DNAH3: variants seen among roughly 807,000 people sequenced by gnomAD.
The protein encoded by DNAH3 is dynein axonemal heavy chain 3, also known as axonemal beta dynein heavy chain 3.
In DNAH3, 332 loss-of-function variants were observed where a neutral mutation model predicts 432.5. That is an observed-to-expected ratio of 0.77 (90% CI 0.70 to 0.84). DNAH3 has a LOEUF of 0.84. DNAH3 is among the 40% of genes least tolerant of loss of function. The probability of loss-of-function intolerance (pLI) is 0.00; values close to 1 mark genes in which losing one functional copy is unlikely to be tolerated. For missense variants in DNAH3, 4,861 were observed against 5,114.0 expected (o/e 0.95, Z 1.51); for synonymous variants, 1,956 against 1,900.2 (o/e 1.03, Z -0.76).
intron 41 of DNAH3, among the ~76,000 whole-genome samples, chr16:21,012,876 C>T (rs2087673219): frequency 6.6e-6 from 1 of 152,138 alleles, no homozygotes; most frequent in Non-Finnish European, 1.5e-5. Context: ...ATCATCCCGC[C>T]TCAGCCTCCT....
chr16:21,035,078 G>A (rs922893220), intron 35 of DNAH3, among the ~76,000 whole-genome samples: 1 of 152,220 alleles, frequency 6.6e-6, no homozygotes, highest in African/African-American at 2.4e-5. Context: ...TGTAATCCCA[G>A]CACTTTGGGA....
At chr16:21,063,431 C>T (rs2090433777) in intron 24 of DNAH3, among the ~76,000 whole-genome samples, 1 of 151,514 alleles carries the variant, frequency 6.6e-6, no homozygotes. Flanking sequence ...AATAATGAGC[C>T]TATTTACATG....
chr16:20,984,012 G>GGCTGTCTGT (rs2086047358), intron 48 of DNAH3, among the ~76,000 whole-genome samples: 1 of 130,278 alleles, frequency 7.7e-6, no homozygotes, highest in Non-Finnish European at 1.5e-5. Flanking sequence ...GGGTGACAGA[G>GGCTGTCTGT]CAAGACCCTA....
At position 20,948,478 on chromosome 16, in the gene DNAH3, C is replaced by T. The variant is rs1316193882; in HGVS notation, c.11343+5G>A. 1.2e-6 allele frequency: 2 copies of T among 1,612,898 alleles called. No homozygotes were observed. The highest frequency in any genetic ancestry group is 1.7e-6 in the Non-Finnish European group (2 of 1,179,568). On this transcript the variant is annotated splice_donor_5th_base_variant and intron_variant, in intron 57 of 61. Coordinates refer to ENST00000261383, the Ensembl canonical transcript of DNAH3. ...AAGAGGTAGGCCTCCCTGCCCACCC[C>T]TTACCTGGTAGGAGCCATGAGGAGG...
chr16:21,052,857 T>C (rs866778403), intron 28 of DNAH3, among the ~76,000 whole-genome samples: 1 of 152,158 alleles, frequency 6.6e-6, no homozygotes, highest in African/African-American at 2.4e-5. Context: ...CGTGGCCTTA[T>C]ATAGCAGGGG....
chr16:21,027,667 CT>C (rs1189037674), intron 37 of DNAH3, among the ~76,000 whole-genome samples: 1 of 152,174 alleles, frequency 6.6e-6, no homozygotes, highest in Non-Finnish European at 1.5e-5. Context: ...TGGTAAAACC[CT>C]GTCTCTACTA....
rs778044720 is a variant in DNAH3 at position 20,963,410 on chromosome 16, T to C, written c.10474A>G (p.Ile3492Val). 6.2e-7 allele frequency: 1 copy of C among 1,614,096 alleles called. No homozygotes were observed. ...TACAGCTTTCCCATATGTTCAGCAA[T>C]GAACTCCCGGACCGCTGGCACCATT... Residue 3492 changes from isoleucine (I) to valine (V), a missense_variant, in exon 53 of 62, where the codon ATT (isoleucine) becomes GTT (valine). Transcript: ENST00000261383.
chr16:21,134,639 T>C (rs543469120), intron 6 of DNAH3, among the ~76,000 whole-genome samples, 185 bp from the exon 8 acceptor site: 1 of 152,304 alleles, frequency 6.6e-6, no homozygotes, highest in African/African-American at 2.4e-5. Context: ...ATTACAGGCA[T>C]GAGTTGCTAT....
At chr16:21,022,201 C>G in intron 39 of DNAH3, 101 bp from the exon 40 acceptor site, 1 of 1,268,922 alleles carries the variant, frequency 7.9e-7, no homozygotes, top group Non-Finnish European at 1.1e-6. Context: ...GCTGGTTAGA[C>G]TGCTGATTTA....
chr16:21,098,829 T>A, intron 16 of DNAH3, 60 bp from the exon 17 acceptor site: 1 of 1,544,806 alleles, frequency 6.5e-7, no homozygotes, highest in South Asian at 1.2e-5. Flanking sequence ...TTTCAAAACA[T>A]CAGCACTGCT....
At chr16:21,022,230 G>T in intron 39 of DNAH3, 130 bp from the exon 40 acceptor site, 1 of 946,102 alleles carries the variant, frequency 1.1e-6, no homozygotes, top group Non-Finnish European at 1.6e-6. Context: ...TGCATTGGGG[G>T]AAAACTTATA....
exon 53 of DNAH3, chr16:20,964,614 T>G: frequency 6.2e-7 from 1 of 1,614,182 alleles, no homozygotes. Flanking sequence ...TCTTAATCCA[T>G]TTATTGGCCT....
At chr16:21,110,252 T>G (rs1170780489) in intron 14 of DNAH3, among the ~76,000 whole-genome samples, 1 of 152,208 alleles carries the variant, frequency 6.6e-6, no homozygotes, top group Non-Finnish European at 1.5e-5. Context: ...TCATGTGGTT[T>G]AGGTGGTGTT....
intron 12 of DNAH3, among the ~76,000 whole-genome samples, chr16:21,114,302 A>G (rs1222834068): frequency 6.6e-6 from 1 of 152,220 alleles, no homozygotes; most frequent in Non-Finnish European, 1.5e-5. Context: ...CCTAAAATCT[A>G]TTAAATAAAA....
At chr16:21,127,931 A>T (rs1398290373) in intron 7 of DNAH3, 119 bp from the exon 9 acceptor site, 1 of 1,234,528 alleles carries the variant, frequency 8.1e-7, no homozygotes, top group Non-Finnish European at 1.2e-6. Flanking sequence ...GAATCAAATG[A>T]ATTACAGGAT....
chr16:21,057,405 T>C (rs1020656524), intron 27 of DNAH3, among the ~76,000 whole-genome samples: 4 of 152,198 alleles, frequency 2.6e-5, no homozygotes, highest in African/African-American at 9.6e-5. Flanking sequence ...CGTGTCTAAG[T>C]ACCGAATCAT....
intron 59 of DNAH3, among the ~76,000 whole-genome samples, chr16:20,938,288 G>A (rs2083670133): frequency 6.6e-6 from 1 of 152,084 alleles, no homozygotes; most frequent in Admixed American, 6.5e-5. Context: ...AGGAGGCTGA[G>A]GCAGGAGAAT....
At chr16:21,016,837 T>C (rs1361120489) in intron 41 of DNAH3, among the ~76,000 whole-genome samples, 1 of 152,220 alleles carries the variant, frequency 6.6e-6, no homozygotes, top group Non-Finnish European at 1.5e-5. Flanking sequence ...AGAAAGGAAA[T>C]TCTGACACGT....
At chr16:21,037,662 T>C (rs1341247569) in intron 34 of DNAH3, 99 bp downstream of exon 34, 1 of 1,003,074 alleles carries the variant, frequency 1.0e-6, no homozygotes, top group Non-Finnish European at 1.5e-6. Flanking sequence ...GGCCAAAGAA[T>C]GGAAGATGGA....
Sources: gnomAD v4.1 joint callset for allele counts (sites outside exome capture counted in the v4.1 genomes callset) on GRCh38, gnomAD v4.1.1 for gene constraint, MANE v1.5 for transcripts, NCBI Gene and HGNC (gene_info 2026-07-23, HGNC 2026-07-21) for gene names.